Variants in PLEKHA6 observed in about 807,000 individuals in gnomAD.
The protein encoded by PLEKHA6 is pleckstrin homology domain containing A6.
Under a neutral mutation model 116.7 loss-of-function variants are expected in PLEKHA6, and 60 were observed. That is an observed-to-expected ratio of 0.51 (90% CI 0.42 to 0.64). The LOEUF (loss-of-function observed/expected upper bound fraction) is 0.64, where lower values mean the gene tolerates loss of function less well. Ranked by LOEUF, PLEKHA6 falls within the 30% of genes least tolerant of loss-of-function variation. The probability of loss-of-function intolerance (pLI) is 0.00; values close to 1 mark genes in which losing one functional copy is unlikely to be tolerated. For missense variants in PLEKHA6, 1,338 were observed against 1,422.7 expected (o/e 0.94, Z 0.96); for synonymous variants, 489 against 556.1 (o/e 0.88, Z 1.70).
intron 1 of PLEKHA6, among the ~76,000 whole-genome samples, chr1:204,316,501 T>C (rs547699963): frequency 6.6e-6 from 1 of 152,052 alleles, no homozygotes; most frequent in South Asian, 2.1e-4. Context: ...TATGTGGGGG[T>C]AGGGTTCACT....
chr1:204,320,810 GGA>G (rs963578486), intron 1 of PLEKHA6, among the ~76,000 whole-genome samples: 3 of 152,268 alleles, frequency 2.0e-5, no homozygotes, highest in African/African-American at 7.2e-5. Flanking sequence ...ATGGGGAGTG[GGA>G]GAGAGGGGTT....
Position 204,349,972 on chromosome 1 carries a change from T to C in PLEKHA6, c.-95+9722A>G, listed in dbSNP as rs571150919. On this transcript the variant is annotated intron_variant, in intron 1 of 22. Transcript: ENST00000272203. ...CCACTTACAGTAAGGGTAACACGCA[T>C]GTGCTCCTGGAATGTATTTCTACTG... Among the ~76,000 whole-genome samples the C allele has an allele frequency of 7.2e-5, 11 of 152,344 alleles. No individual in the cohort carries two copies. The South Asian group carries it at 2.3e-3, about 32-fold the overall frequency.
At position 204,245,653 on chromosome 1, in the gene PLEKHA6, T is replaced by C; in HGVS notation, c.1994A>G (p.Asn665Ser). The C allele has an allele frequency of 6.2e-7, 1 of 1,613,408 alleles. No homozygotes were observed. The highest frequency in any genetic ancestry group is 8.5e-7 in the Non-Finnish European group (1 of 1,179,504). The change falls in exon 14 of 23, where the codon AAC (asparagine) becomes AGC (serine). Residue 665 changes from asparagine (N) to serine (S), a missense_variant. Physicochemically the swap from Asn to Ser is conservative, Grantham distance 46. Coordinates refer to ENST00000272203, the MANE Select transcript of PLEKHA6 (RefSeq NM_014935.5). The stretch of plus-strand genomic sequence containing the variant: ...GGTGTCCGTGCCCCGGGAGGGGTTG[T>C]TCTTCCTCAGCCCCTCCATCACGTC... ...IQDVMEGLRK[N>S]NPSRGTDTAK...
chr1:204,263,512 C>T (rs1312985901), intron 6 of PLEKHA6, among the ~76,000 whole-genome samples: 4 of 152,028 alleles, frequency 2.6e-5, no homozygotes, highest in African/African-American at 4.8e-5. Flanking sequence ...TGTGGGCCAC[C>T]GAGCACAGCC....
chr1:204,254,270 G>A (rs1558071218), intron 9 of PLEKHA6, among the ~76,000 whole-genome samples: 1 of 152,194 alleles, frequency 6.6e-6, no homozygotes, highest in South Asian at 2.1e-4. Flanking sequence ...GGAATGCCAC[G>A]GCCTCCAGGG....
intron 1 of PLEKHA6, among the ~76,000 whole-genome samples, chr1:204,359,321 G>C (rs1049266881): frequency 2.0e-5 from 3 of 152,180 alleles, no homozygotes; most frequent in African/African-American, 7.2e-5. Flanking sequence ...CTTCCTGCTG[G>C]CAAGATTAAA....
chr1:204,363,915 T>C (rs1215933025), upstream of PLEKHA6, among the ~76,000 whole-genome samples: 2 of 152,210 alleles, frequency 1.3e-5, no homozygotes, highest in East Asian at 3.9e-4. Flanking sequence ...TTTCGCTTGT[T>C]CTCTCCTCCT....
intron 7 of PLEKHA6, among the ~76,000 whole-genome samples, chr1:204,260,647 A>G (rs1665984274): frequency 2.0e-5 from 3 of 152,170 alleles, no homozygotes; most frequent in Admixed American, 2.0e-4. Flanking sequence ...TTTCTAAGAT[A>G]TGTGGACTTG....
At chr1:204,324,479 TAG>T (rs1439642584) in intron 1 of PLEKHA6, among the ~76,000 whole-genome samples, 1 of 152,104 alleles carries the variant, frequency 6.6e-6, no homozygotes, top group Non-Finnish European at 1.5e-5. Flanking sequence ...CAGCCCCCAT[TAG>T]AGAGGCAGCT....
intron 1 of PLEKHA6, chr1:204,297,740 C>T (rs576922605): frequency 4.0e-6 from 1 of 250,840 alleles, no homozygotes; most frequent in African/African-American, 2.3e-5. Context: ...AACCCCCCAG[C>T]TTGTGGAACC....
intron 1 of PLEKHA6, chr1:204,301,442 G>T (rs895537804): frequency 6.1e-6 from 6 of 985,326 alleles, no homozygotes; most frequent in Non-Finnish European, 7.2e-6. Flanking sequence ...GAGGCAATGT[G>T]TTATTTGGTT....
chr1:204,269,984 C>T (rs1667279112), intron 3 of PLEKHA6, among the ~76,000 whole-genome samples: 1 of 152,212 alleles, frequency 6.6e-6, no homozygotes, highest in Admixed American at 6.5e-5. Context: ...ACTTACTCTT[C>T]AGTCCTAGGC....
chr1:204,233,561 T>C (rs1661523504), intron 17 of PLEKHA6, among the ~76,000 whole-genome samples: 6 of 152,116 alleles, frequency 3.9e-5, no homozygotes, highest in Admixed American at 3.9e-4. Context: ...AGCCTCGGCC[T>C]CCCAAAGTGT....
At chr1:204,229,175 C>G in intron 18 of PLEKHA6, 71 bp from the exon 19 acceptor site, 1 of 1,456,488 alleles carries the variant, frequency 6.9e-7, no homozygotes. Context: ...TATGCCCTGT[C>G]CTCGCTTTCC....
chr1:204,365,857 A>T (rs1478664022), intron 3 of PLEKHA6, among the ~76,000 whole-genome samples: 4 of 152,200 alleles, frequency 2.6e-5, no homozygotes, highest in African/African-American at 9.7e-5. Flanking sequence ...TGCTGTGAAG[A>T]AAAGTAAGAG....
intron 3 of PLEKHA6, among the ~76,000 whole-genome samples, chr1:204,270,830 G>GC (rs546525385): frequency 6.6e-6 from 1 of 152,190 alleles, no homozygotes; most frequent in Non-Finnish European, 1.5e-5. Flanking sequence ...CCCACCTTCT[G>GC]CCCCTTCACC....
exon 1 of PLEKHA6, chr1:204,377,626 A>C (rs1402165495): frequency 6.6e-6 from 1 of 152,138 alleles, no homozygotes; most frequent in Non-Finnish European, 1.5e-5. Context: ...CCGTAGGCCC[A>C]CCGGCCGGGC....
At chr1:204,237,773 T>A (rs1459976960) in intron 17 of PLEKHA6, among the ~76,000 whole-genome samples, 1 of 152,254 alleles carries the variant, frequency 6.6e-6, no homozygotes, top group Non-Finnish European at 1.5e-5. Context: ...TGTGTGATAA[T>A]CTTATTCAGA....
intron 6 of PLEKHA6, among the ~76,000 whole-genome samples, chr1:204,262,558 T>A (rs1666262317): frequency 6.6e-6 from 1 of 152,036 alleles, no homozygotes; most frequent in African/African-American, 2.4e-5. Context: ...CACTCCAGCC[T>A]CTGACCCCTT....
Sources: gnomAD v4.1 joint callset for allele counts (sites outside exome capture counted in the v4.1 genomes callset) on GRCh38, gnomAD v4.1.1 for gene constraint, MANE v1.5 for transcripts, NCBI Gene and HGNC (gene_info 2026-07-23, HGNC 2026-07-21) for gene names.